Variants in PRICKLE3 observed in about 807,000 individuals in gnomAD.
PRICKLE3 encodes prickle planar cell polarity protein 3.
PRICKLE3 carries 17 observed loss-of-function variants against 33.8 expected under a neutral mutation model. The ratio of observed to expected loss-of-function variants is 0.50; its 90% confidence interval spans 0.34 to 0.75. The LOEUF (loss-of-function observed/expected upper bound fraction) is 0.75. PRICKLE3 is among the 30% of genes least tolerant of loss of function. The probability of loss-of-function intolerance (pLI) is 0.01; values close to 1 mark genes in which losing one functional copy is unlikely to be tolerated. For synonymous variants in PRICKLE3, 211 were observed against 219.6 expected (o/e 0.96, Z 0.34); for missense variants, 573 against 576.7 (o/e 0.99, Z 0.07).
At chrX:49,182,640 A>C (rs143399668) in intron 3 of PRICKLE3, among the ~76,000 whole-genome samples, 2 of 112,196 alleles carry the variant, frequency 1.8e-5, no homozygotes, top group East Asian at 5.6e-4. Flanking sequence ...CAACCATTAA[A>C]TTCTCACAGA....
chrX:49,176,234 C>G lies in PRICKLE3; in HGVS notation c.1287G>C (p.Leu429=). ...ATGPEEPSRF[L]RGAPHRHSMP... is the part of the protein sequence containing the mutation. Reference sequence around the variant, plus strand: ...TGGAGTGGCGGTGGGGAGCCCCTCTCAGAAAGCGGGAGGGCTCCTCAGGGC... The same window carrying G: ...TGGAGTGGCGGTGGGGAGCCCCTCTGAGAAAGCGGGAGGGCTCCTCAGGGC... The change falls in exon 9 of 9, where the codon CTG becomes CTC. Residue 429 remains leucine (L), a synonymous_variant. Coordinates refer to ENST00000599218, the MANE Select transcript of PRICKLE3 (RefSeq NM_006150.5). 1 of 1,152,839 alleles carries G rather than the reference C, an allele frequency of 8.7e-7. No individual in the cohort carries two copies. The highest frequency in any genetic ancestry group is 1.2e-6 in the Non-Finnish European group (1 of 866,470).
intron 2 of PRICKLE3, among the ~76,000 whole-genome samples, chrX:49,184,150 G>C (rs1557101563): frequency 9.0e-6 from 1 of 110,514 alleles, no homozygotes; most frequent in Non-Finnish European, 1.9e-5. Flanking sequence ...CTTTGTGGGG[G>C]AACTTTCACT....
intron 3 of PRICKLE3, among the ~76,000 whole-genome samples, chrX:49,181,614 T>TACGC (rs1353260560): frequency 3.5e-5 from 1 of 28,465 alleles, no homozygotes; most frequent in African/African-American, 1.3e-4. Context: ...TATATATATA[T>TACGC]GTGTATATAT....
intron 7 of PRICKLE3, among the ~76,000 whole-genome samples, chrX:49,177,570 C>A (rs782515807): frequency 1.8e-5 from 2 of 111,794 alleles, no homozygotes; most frequent in African/African-American, 6.5e-5. Flanking sequence ...GGGGGCAGGG[C>A]TTAGCAGGTG....
intron 1 of PRICKLE3, among the ~76,000 whole-genome samples, chrX:49,185,914 A>T (rs1042599063): frequency 8.5e-5 from 9 of 106,225 alleles, no homozygotes; most frequent in Admixed American, 3.0e-4. Flanking sequence ...AAAAAAAAAA[A>T]AAAAAGCAGC....
chrX:49,183,357 A>G (rs1231018315), intron 3 of PRICKLE3, among the ~76,000 whole-genome samples: 1 of 111,262 alleles, frequency 9.0e-6, no homozygotes, highest in Non-Finnish European at 1.9e-5. Flanking sequence ...CAGGAGTTCA[A>G]CATCAGCCTG....
In PRICKLE3 at chrX:49,179,303, C is replaced by T. The variant is rs2065436476; in HGVS notation, c.512G>A (p.Arg171His). ...CACCGGGAAGATGCGCACGATGCCA[C>T]GCCCCAGATTCTCCCGCTTCCGCTG... ...SQQRKRENLG[R>H]GIVRIFPVTI... Residue 171 changes from arginine (R) to histidine (H), a missense_variant, in exon 5 of 9, where the codon CGT becomes CAT. Arg to His is a conservative substitution (Grantham distance 29, BLOSUM62 0). Transcript: ENST00000599218. 4 of 1,211,367 alleles carry T rather than the reference C, an allele frequency of 3.3e-6. No individual in the cohort carries two copies. The highest frequency in any genetic ancestry group is 3.4e-6 in the Non-Finnish European group (3 of 895,310).
rs1557099981 is a variant in PRICKLE3 at position 49,176,168 on chromosome X, TG to T, written c.1352del (p.Pro451GlnfsTer40). ...GCAGGTTAGGCTGGCCGGGGGACTC[TG>T]GGGGCGGCTCGGGGACACTGCGGAG... ...LGLRSVPEPP[P>X]ESPGQPNLRP... On this transcript the variant is annotated frameshift_variant, in exon 9 of 9. Transcript: ENST00000599218. LOFTEE classifies it low-confidence loss of function (END_TRUNC). 8.4e-7 allele frequency: 1 copy of T among 1,189,871 alleles called. No homozygotes were observed. The highest frequency in any genetic ancestry group is 1.1e-6 in the Non-Finnish European group (1 of 884,299).
In PRICKLE3 at chrX:49,178,038, C is replaced by T. The variant is rs7878741; in HGVS notation, c.910G>A (p.Glu304Lys). The T allele has an allele frequency of 1.0e-5, 12 of 1,154,449 alleles. No individual in the cohort carries two copies. Among genetic ancestry groups the T allele is most frequent in the African/African-American group, 5.4e-5 (3 of 55,621 alleles). ...TCACAGTACTCCGCGTGGCGGGCCT[C>T]GTAGCAGGCGCAGCAGTGGGGGCGG... ...QSRPHCCACYEARHAEYCDGC... is the reference protein window; with the variant it reads ...QSRPHCCACYKARHAEYCDGC... Residue 304 changes from glutamate to lysine, a missense_variant, in exon 7 of 9, where the codon GAG becomes AAG. Glu to Lys is a moderately conservative substitution (Grantham distance 56, BLOSUM62 1). Coordinates refer to ENST00000599218, the MANE Select transcript of PRICKLE3 (RefSeq NM_006150.5).
At chrX:49,181,590 T>TATATGTAC (rs2065455162) in intron 3 of PRICKLE3, among the ~76,000 whole-genome samples, 1 of 40,851 alleles carries the variant, frequency 2.4e-5, no homozygotes, top group Non-Finnish European at 4.4e-5. Flanking sequence ...TATATACGCG[T>TATATGTAC]GTATCTATAT....
In PRICKLE3 at chrX:49,175,115, A is replaced by G; in HGVS notation, c.*558T>C. On this transcript the variant is annotated 3_prime_UTR_variant, in exon 9 of 9. Coordinates refer to ENST00000599218, the MANE Select transcript of PRICKLE3 (RefSeq NM_006150.5). Reference sequence around the variant, plus strand: ...CGATAATGAATAAAGTAATCCTTTCATCAAATGTGGGTAAATTTCAAGCAT... The same window carrying G: ...CGATAATGAATAAAGTAATCCTTTCGTCAAATGTGGGTAAATTTCAAGCAT... 1 of 211,971 alleles carries G rather than the reference A, an allele frequency of 4.7e-6. No homozygotes were observed. Among genetic ancestry groups the G allele is most frequent in the Non-Finnish European group, 8.6e-6 (1 of 116,245 alleles). 17.5% of individuals were successfully genotyped at this position (211,971 alleles called of 1,213,427 possible).
chrX:49,179,463 C>A, intron 4 of PRICKLE3, 75 bp from the exon 5 acceptor site: 1 of 1,164,359 alleles, frequency 8.6e-7, no homozygotes, highest in Non-Finnish European at 1.2e-6. Flanking sequence ...TCATCCATGC[C>A]CCGAAAGTTT....
chrX:49,185,918 A>C (rs1557101810), intron 1 of PRICKLE3, among the ~76,000 whole-genome samples: 1 of 106,072 alleles, frequency 9.4e-6, no homozygotes, highest in African/African-American at 3.4e-5. Context: ...AAAAAAAAAA[A>C]AGCAGCAGCT....
Position 49,178,439 on chromosome X carries a change from A to G in PRICKLE3, c.601T>C (p.Phe201Leu). 8.3e-7 allele frequency: 1 copy of G among 1,211,430 alleles called. No homozygotes were observed. Among genetic ancestry groups the G allele is most frequent in the Non-Finnish European group, 1.1e-6 (1 of 894,843 alleles). ...GCACCCAGGCCTGCACGGCTGGCAA[A>G]CACTGCGATGTCCCCACCTCCAATC... The part of the protein sequence containing the change: ...KQIGGGDIAV[F>L]ASRAGLGACW... Residue 201 changes from phenylalanine to leucine, a missense_variant, in exon 6 of 9, where the codon TTT becomes CTT. By Grantham distance (22) the Phe-to-Leu change is conservative (BLOSUM62 0). Transcript: ENST00000599218.
intron 1 of PRICKLE3, 94 bp from the exon 2 acceptor site, chrX:49,184,804 C>T (rs2065475390): frequency 8.6e-7 from 1 of 1,163,506 alleles, no homozygotes; most frequent in South Asian, 1.9e-5. Flanking sequence ...TGCCCGCGAC[C>T]GCACGCTGGG....
Position 49,183,886 on chromosome X carries a change from C to T in PRICKLE3, c.160G>A (p.Glu54Lys). 1 of 1,208,684 alleles carries T rather than the reference C, an allele frequency of 8.3e-7. No homozygotes were observed. The highest frequency in any genetic ancestry group is 1.7e-5 in the African/African-American group (1 of 57,748). The change falls in exon 3 of 9, where the codon GAG (glutamate) becomes AAG (lysine). Residue 54 changes from glutamate to lysine, a missense_variant. Physicochemically the swap from Glu to Lys is moderately conservative, Grantham distance 56. Coordinates refer to ENST00000599218, the MANE Select transcript of PRICKLE3 (RefSeq NM_006150.5). ...GGCACCGCGTGCACTGCATGCTCCT[C>T]CCGCGGGCATTTGCAATGCTGGCAG... ...KICQHCKCPR[E>K]EHAVHAVPVD...
At chrX:49,179,948 G>A (rs1052913460) in intron 3 of PRICKLE3, 142 bp from the exon 4 acceptor site, 1 of 401,902 alleles carries the variant, frequency 2.5e-6, no homozygotes, top group Non-Finnish European at 4.3e-6. Context: ...TCCTAAAGGC[G>A]GATCATTTCC....
intron 2 of PRICKLE3, 53 bp downstream of exon 2, chrX:49,184,572 C>G: frequency 9.7e-7 from 1 of 1,030,008 alleles, no homozygotes; most frequent in South Asian, 2.4e-5. Flanking sequence ...CCTGGATTTC[C>G]CCCCGAAGGC....
In PRICKLE3 at chrX:49,183,787, C is replaced by T; in HGVS notation, c.259G>A (p.Gly87Ser). The part of the protein sequence containing the change: ...QRHSISDDDS[G>S]CASEEYAWVP... The stretch of plus-strand genomic sequence containing the variant: ...CAGGCATACTCCTCCGATGCACAGC[C>T]TGAGTCGTCGTCGGAGATGGAGTGG... Residue 87 changes from glycine to serine, a missense_variant, in exon 3 of 9, where the codon GGC becomes AGC. Gly to Ser is a moderately conservative substitution (Grantham distance 56, BLOSUM62 0). Transcript: ENST00000599218. The T allele has an allele frequency of 8.3e-7, 1 of 1,211,652 alleles. No homozygotes were observed. Among genetic ancestry groups the T allele is most frequent in the Non-Finnish European group, 1.1e-6 (1 of 895,442 alleles).
Sources: gnomAD v4.1 joint callset for allele counts (sites outside exome capture counted in the v4.1 genomes callset) on GRCh38, gnomAD v4.1.1 for gene constraint, MANE v1.5 for transcripts, NCBI Gene and HGNC (gene_info 2026-07-23, HGNC 2026-07-21) for gene names.